TESK2: variants seen among roughly 807,000 people sequenced by gnomAD.
TESK2 encodes the protein testis associated actin remodelling kinase 2.
TESK2 carries 39 observed loss-of-function variants against 57.1 expected under a neutral mutation model. The ratio of observed to expected loss-of-function variants is 0.68; its 90% CI spans 0.53 to 0.89. TESK2 has a LOEUF of 0.89. TESK2 is among the 40% of genes least tolerant of loss of function. The pLI is 0.00. For synonymous variants in TESK2, 249 were observed against 267.9 expected, an observed-to-expected ratio of 0.93 and a Z score of 0.69; for missense variants, 646 against 732.1, an observed-to-expected ratio of 0.88 and a Z score of 1.36.
At chr1:45,466,276 A>T (rs566765784) in intron 1 of TESK2, among the ~76,000 whole-genome samples, 10 of 152,272 alleles carry the variant, frequency 6.6e-5, no homozygotes, top group Admixed American at 3.3e-4. Flanking sequence ...AGAGATCGAG[A>T]CCATCCTGGC....
rs1417505047 is a variant in TESK2 at position 45,384,375 on chromosome 1, C to CGTACG, written c.393+1536_393+1537insCGTAC. On this transcript the variant is annotated intron_variant, in intron 4 of 10. Coordinates refer to ENST00000372086, the MANE Select transcript of TESK2 (RefSeq NM_007170.3). ...TGTATGTACGTACGTATCTATCTAT[C>CGTACG]TATCTATCTATCTGTCTATCTATCT... Among the ~76,000 whole-genome samples, 57 of 136,824 alleles carry CGTACG rather than the reference C, an allele frequency of 4.2e-4. No individual in the cohort carries two copies. The East Asian group carries it at 0.01, about 25-fold the overall frequency. The allele number at this position is 136,824 out of a possible 152,430, so 89.8% of individuals were successfully genotyped here. A position where few individuals can be genotyped will look rare whatever the true frequency, so the allele number is the denominator to read the frequency against.
chr1:45,380,888 A>G lies in TESK2; in HGVS notation c.393+5024T>C, dbSNP rs550321777. Among the ~76,000 whole-genome samples the G allele has an allele frequency of 4.6e-5, 7 of 152,356 alleles. No individual in the cohort carries two copies. The East Asian group carries it at 1.2e-3, about 25-fold the overall frequency. On this transcript the variant is annotated intron_variant, in intron 4 of 10. Transcript: ENST00000372086. ...AAGTGAGTCAGAATTGAATTCTACA[A>G]ATACTATGCATGCTACACACATAAG...
chr1:45,443,328 A>G (rs927950308), intron 2 of TESK2, among the ~76,000 whole-genome samples: 1 of 151,952 alleles, frequency 6.6e-6, no homozygotes, highest in Admixed American at 6.6e-5. Flanking sequence ...ACTTTGGGAG[A>G]CCAAGGCAGG....
intron 4 of TESK2, among the ~76,000 whole-genome samples, chr1:45,374,961 G>A (rs1012001620): frequency 6.6e-6 from 1 of 152,108 alleles, no homozygotes; most frequent in African/African-American, 2.4e-5. Flanking sequence ...TTTTTCTTCT[G>A]CTTTCAAAAT....
In TESK2 at chr1:45,407,586, G is replaced by A. The variant is rs991776211; in HGVS notation, c.344+14139C>T. 6.6e-5 allele frequency among the ~76,000 whole-genome samples: 10 copies of A among 152,212 alleles called. No homozygotes were observed. In the East Asian group the frequency reaches 1.9e-3, roughly 29 times the overall value. On this transcript the variant is annotated intron_variant, in intron 3 of 10. Transcript: ENST00000372086. ...TGGTGGGAGGTAATTGAATCATGGG[G>A]ACAGGTCTCTCCCATGCTGTTTTCG...
chr1:45,401,816 C>T (rs935169211), intron 3 of TESK2, among the ~76,000 whole-genome samples: 1 of 152,012 alleles, frequency 6.6e-6, no homozygotes, highest in Admixed American at 6.6e-5. Context: ...AAGAACTGCC[C>T]TTCTACGAAC....
chr1:45,398,002 G>GCTAACTGCA (rs1160480660), intron 3 of TESK2, among the ~76,000 whole-genome samples: 3 of 152,026 alleles, frequency 2.0e-5, no homozygotes, highest in African/African-American at 7.2e-5. Flanking sequence ...TGAACTCATG[G>GCTAACTGCA]GCTCACACGA....
At chr1:45,454,419 T>C (rs1220073818) in intron 2 of TESK2, among the ~76,000 whole-genome samples, 1 of 151,844 alleles carries the variant, frequency 6.6e-6, no homozygotes. Context: ...AAAAGATTTA[T>C]TTTTTATTTT....
At chr1:45,456,491 C>A (rs1201079410) in intron 2 of TESK2, among the ~76,000 whole-genome samples, 1 of 151,618 alleles carries the variant, frequency 6.6e-6, no homozygotes, top group Non-Finnish European at 1.5e-5. Context: ...TGCACCCCAG[C>A]CTGGGCAACA....
chr1:45,452,435 CAGA>C (rs1367708622), intron 2 of TESK2, among the ~76,000 whole-genome samples: 1 of 152,042 alleles, frequency 6.6e-6, no homozygotes, highest in Non-Finnish European at 1.5e-5. Flanking sequence ...ATCAACACAA[CAGA>C]AGAAGGCAGG....
chr1:45,357,236 AATAAATGTATGT>A (rs1256867303), intron 4 of TESK2, among the ~76,000 whole-genome samples: 6 of 140,058 alleles, frequency 4.3e-5, no homozygotes, highest in African/African-American at 7.8e-5. Context: ...TAAATAAATA[AATAAATGTATGT>A]ATGTATGTAT....
chr1:45,472,775 T>A (rs2149304930), intron 1 of TESK2, among the ~76,000 whole-genome samples: 1 of 152,120 alleles, frequency 6.6e-6, no homozygotes, highest in African/African-American at 2.4e-5. Context: ...GTTAACAATG[T>A]CCAGGAGGCT....
In TESK2 at chr1:45,345,054, G is replaced by T; in HGVS notation, c.1502C>A (p.Ala501Glu). The change falls in exon 11 of 11, where the codon GCA (alanine) becomes GAA (glutamate). Residue 501 changes from alanine to glutamate, a missense_variant. Transcript: ENST00000372086. ...GGCTTGAGCAGCTGGTAGGGCAGAT[G>T]CCCGGAATGGTGGGATCTCTTTAAC... ...YRVKEIPPFR[A>E]SALPAAQAHE... 2 of 1,614,224 alleles carry T rather than the reference G, an allele frequency of 1.2e-6. No individual in the cohort carries two copies. Among genetic ancestry groups the T allele is most frequent in the Non-Finnish European group, 1.7e-6 (2 of 1,180,040 alleles).
At chr1:45,481,868 A>AC (rs1253707281) in intron 1 of TESK2, among the ~76,000 whole-genome samples, 1 of 152,240 alleles carries the variant, frequency 6.6e-6, no homozygotes, top group Non-Finnish European at 1.5e-5. Context: ...TACAAACCAT[A>AC]CATGGTGCCA....
rs567420396 is a variant in TESK2, at chr1:45,354,205, A to G, written c.540+1098T>C. Among the ~76,000 whole-genome samples, 7 of 152,338 alleles carry G rather than the reference A, an allele frequency of 4.6e-5. No homozygotes were observed. In the South Asian group the frequency reaches 1.5e-3, roughly 32 times the overall value. ...TTAAACATGAAGGCTCTCAAGATGT[A>G]TGAGTTGGCTGGGCACAGTGCATGC... On this transcript the variant is annotated intron_variant, in intron 5 of 10. Transcript: ENST00000372086.
intron 1 of TESK2, among the ~76,000 whole-genome samples, chr1:45,466,371 A>G (rs1652552039): frequency 6.6e-6 from 1 of 152,126 alleles, no homozygotes; most frequent in Admixed American, 6.6e-5. Flanking sequence ...GCTACTCAGG[A>G]GGCTGAGGCA....
Position 45,395,464 on chromosome 1 carries a change from C to T in TESK2, c.345-9504G>A, listed in dbSNP as rs189305487. Among the ~76,000 whole-genome samples, 567 of 152,230 alleles carry T rather than the reference C, an allele frequency of 3.7e-3. 6 individuals carry two copies. The highest frequency in any genetic ancestry group is 0.013 in the African/African-American group (540 of 41,530). On this transcript the variant is annotated intron_variant, in intron 3 of 10. Coordinates refer to ENST00000372086, the MANE Select transcript of TESK2 (RefSeq NM_007170.3). ...TCTCATGGAACCACCATCATGTATGCGGTCTGTTGTTGACCAAAACATCTT... is the reference window on the plus strand; with the variant it reads ...TCTCATGGAACCACCATCATGTATGTGGTCTGTTGTTGACCAAAACATCTT...
chr1:45,466,383 G>C (rs1652552882), intron 1 of TESK2, among the ~76,000 whole-genome samples: 1 of 151,702 alleles, frequency 6.6e-6, no homozygotes, highest in African/African-American at 2.4e-5. Flanking sequence ...GCTGAGGCAG[G>C]AGAATTGCTT....
chr1:45,455,430 T>C (rs1409650312), intron 2 of TESK2, among the ~76,000 whole-genome samples: 7 of 152,122 alleles, frequency 4.6e-5, no homozygotes, highest in Non-Finnish European at 8.8e-5. Flanking sequence ...TCAAAACCCT[T>C]AAAAAACCTT....
Sources: allele counts gnomAD v4.1 joint callset (sites outside exome capture counted in the v4.1 genomes callset), GRCh38; gene constraint gnomAD v4.1.1; transcripts MANE v1.5; gene names NCBI Gene and HGNC (gene_info 2026-07-23, HGNC 2026-07-21).